The following NKAIN2 variants were observed in gnomAD, a reference collection of about 807,000 sequenced individuals.
The protein encoded by NKAIN2 is sodium/potassium transporting ATPase interacting 2.
NKAIN2 carries 14 observed loss-of-function variants against 32.6 expected under a neutral mutation model. The observed-to-expected ratio is 0.43, with a 90% CI of 0.28 to 0.67. The LOEUF (loss-of-function observed/expected upper bound fraction) is 0.67, where lower values mean the gene tolerates loss of function less well. Among genes scored for constraint, NKAIN2 ranks in the 30% least tolerant of loss-of-function variants. The probability of loss-of-function intolerance (pLI) is 0.17; values close to 1 mark genes in which losing one functional copy is unlikely to be tolerated. For synonymous variants in NKAIN2, 80 were observed against 87.2 expected (o/e 0.92, Z 0.46); for missense variants, 198 against 258.3 (o/e 0.77, Z 1.60).
chr6:123,998,792 A>G (rs997980905), intron 1 of NKAIN2, among the ~76,000 whole-genome samples: 3 of 147,540 alleles, frequency 2.0e-5, no homozygotes, highest in Admixed American at 6.8e-5. Context: ...ATATATATAT[A>G]TAGGGTGATG....
intron 1 of NKAIN2, among the ~76,000 whole-genome samples, chr6:123,910,076 TA>T: frequency 6.6e-6 from 1 of 152,198 alleles, no homozygotes. Context: ...ATGCACTTAA[TA>T]AAAAATATGT....
In NKAIN2 at chr6:124,783,625, G is replaced by A. The variant is rs147157870; in HGVS notation, c.475-7714G>A. 4.1e-3 allele frequency among the ~76,000 whole-genome samples: 631 copies of A among 152,240 alleles called. 3 individuals are homozygous for A. The highest frequency in any genetic ancestry group is 0.015 in the African/African-American group (610 of 41,550). On this transcript the variant is annotated intron_variant, in intron 4 of 6. Transcript: ENST00000368417. Reference sequence around the variant, plus strand: ...TGTGTTCCACAATAGTCCAGCCAGTGGATTAGTATGAGATAAGAATCATCT... The same window carrying A: ...TGTGTTCCACAATAGTCCAGCCAGTAGATTAGTATGAGATAAGAATCATCT...
intron 1 of NKAIN2, among the ~76,000 whole-genome samples, chr6:124,180,897 A>G (rs1034149701): frequency 6.6e-6 from 1 of 151,848 alleles, no homozygotes; most frequent in Non-Finnish European, 1.5e-5. Context: ...GGTCTGGAGG[A>G]TGGTGGCCCT....
intron 4 of NKAIN2, among the ~76,000 whole-genome samples, chr6:124,675,318 A>G (rs1240267380): frequency 1.3e-5 from 2 of 152,110 alleles, no homozygotes; most frequent in African/African-American, 4.8e-5. Context: ...AGATGTAAAC[A>G]TCGATGTTCA....
intron 4 of NKAIN2, among the ~76,000 whole-genome samples, chr6:124,736,061 A>G (rs1450149583): frequency 1.3e-5 from 2 of 151,934 alleles, no homozygotes; most frequent in African/African-American, 4.8e-5. Context: ...GCCCTAAACA[A>G]TTAGCCAAGT....
chr6:124,580,795 G>A (rs1781490756), intron 3 of NKAIN2, among the ~76,000 whole-genome samples: 1 of 152,012 alleles, frequency 6.6e-6, no homozygotes, highest in African/African-American at 2.4e-5. Flanking sequence ...AATATAGACT[G>A]AAAATAAAGG....
intron 1 of NKAIN2, among the ~76,000 whole-genome samples, chr6:123,924,862 T>A (rs2114502419): frequency 6.6e-6 from 1 of 152,258 alleles, no homozygotes; most frequent in South Asian, 2.1e-4. Context: ...AACTAGGAGA[T>A]AATGTGTGAG....
At chr6:124,192,708 T>C (rs1298146580) in intron 1 of NKAIN2, among the ~76,000 whole-genome samples, 1 of 149,382 alleles carries the variant, frequency 6.7e-6, no homozygotes, top group African/African-American at 2.4e-5. Flanking sequence ...CTACCAATTG[T>C]GGTGTTGTCT....
chr6:123,973,225 G>C (rs919299003), intron 1 of NKAIN2, among the ~76,000 whole-genome samples: 1 of 151,932 alleles, frequency 6.6e-6, no homozygotes, highest in African/African-American at 2.4e-5. Flanking sequence ...ATTTTTTTCT[G>C]TCTTGGCTTG....
At chr6:124,581,166 G>A (rs181443525) in intron 3 of NKAIN2, among the ~76,000 whole-genome samples, 4 of 152,214 alleles carry the variant, frequency 2.6e-5, no homozygotes, top group Middle Eastern at 3.4e-3. Flanking sequence ...TGGGCCGGGC[G>A]CGGTGGCTCA....
chr6:124,433,354 C>A (rs190010845), intron 3 of NKAIN2, among the ~76,000 whole-genome samples: 1 of 152,298 alleles, frequency 6.6e-6, no homozygotes, highest in East Asian at 1.9e-4. Context: ...AGTTGAATCT[C>A]ATTGGTATTT....
intron 4 of NKAIN2, among the ~76,000 whole-genome samples, chr6:124,785,485 GTAT>G (rs1779459601): frequency 6.6e-6 from 1 of 152,098 alleles, no homozygotes; most frequent in African/African-American, 2.4e-5. Flanking sequence ...GACATTTGGG[GTAT>G]TATGCTATGA....
chr6:124,563,290 C>G (rs772034944), intron 3 of NKAIN2, among the ~76,000 whole-genome samples: 2 of 152,134 alleles, frequency 1.3e-5, no homozygotes, highest in Non-Finnish European at 2.9e-5. Context: ...ATCTGAATAC[C>G]TGGATAATTT....
chr6:124,801,838 T>C (rs1780272603), intron 5 of NKAIN2, among the ~76,000 whole-genome samples: 1 of 152,194 alleles, frequency 6.6e-6, no homozygotes, highest in South Asian at 2.1e-4. Context: ...ATTAGAGGAC[T>C]ATGTAGAACT....
At chr6:124,777,558 T>A (rs1779037627) in intron 4 of NKAIN2, among the ~76,000 whole-genome samples, 1 of 152,208 alleles carries the variant, frequency 6.6e-6, no homozygotes, top group Non-Finnish European at 1.5e-5. Flanking sequence ...TAATGCTAAT[T>A]GTTATTATTC....
In NKAIN2 at chr6:124,183,468, T is replaced by C. The variant is rs371343324; in HGVS notation, c.55-99537T>C. On this transcript the variant is annotated intron_variant, in intron 1 of 6. Transcript: ENST00000368417. ...CTGTATTGAGCATGTTAATTACATTTGAAAACTTAATCCTTGAGTATATGT... is the reference window on the plus strand; with the variant it reads ...CTGTATTGAGCATGTTAATTACATTCGAAAACTTAATCCTTGAGTATATGT... 6.6e-5 allele frequency among the ~76,000 whole-genome samples: 10 copies of C among 152,232 alleles called. No homozygotes were observed. The East Asian group carries it at 1.5e-3, about 23-fold the overall frequency.
At chr6:124,282,014 C>G (rs983823873) in intron 1 of NKAIN2, among the ~76,000 whole-genome samples, 17 of 152,034 alleles carry the variant, frequency 1.1e-4, no homozygotes, top group African/African-American at 3.9e-4. Context: ...TATTATCATC[C>G]CCCCTGAGGG....
intron 3 of NKAIN2, among the ~76,000 whole-genome samples, chr6:124,474,852 C>T (rs908293857): frequency 1.1e-5 from 1 of 88,482 alleles, no homozygotes; most frequent in Non-Finnish European, 2.4e-5. Context: ...ATAATATATA[C>T]ATATATATTT....
chr6:124,222,387 A>G (rs961647687), intron 1 of NKAIN2, among the ~76,000 whole-genome samples: 1 of 152,232 alleles, frequency 6.6e-6, no homozygotes, highest in Non-Finnish European at 1.5e-5. Context: ...TATAAATAAT[A>G]GAGAGTGTGT....
Sources: gnomAD v4.1 joint callset for allele counts (sites outside exome capture counted in the v4.1 genomes callset) on GRCh38, gnomAD v4.1.1 for gene constraint, MANE v1.5 for transcripts, NCBI Gene and HGNC (gene_info 2026-07-23, HGNC 2026-07-21) for gene names.